The following CNTNAP3 variants were observed in gnomAD, a reference collection of about 807,000 sequenced individuals.
CNTNAP3 encodes contactin associated protein family member 3.
CNTNAP3 carries 36 observed loss-of-function variants against 92.1 expected under a neutral mutation model. The ratio of observed to expected loss-of-function variants is 0.39; its 90% CI spans 0.30 to 0.52. The LOEUF (loss-of-function observed/expected upper bound fraction) is 0.52, where lower values mean the gene tolerates loss of function less well. Among genes scored for constraint, CNTNAP3 ranks in the 20% least tolerant of loss-of-function variants. CNTNAP3 has a pLI of 0.76. For synonymous variants in CNTNAP3, 232 were observed against 422.3 expected (o/e 0.55, Z 5.53); for missense variants, 534 against 1,069.6 (o/e 0.50, Z 6.98).
intron 15 of CNTNAP3, 85 bp from the exon 16 acceptor site, chr9:39,103,999 C>T: frequency 2.7e-6 from 4 of 1,501,178 alleles, no homozygotes; most frequent in Non-Finnish European, 3.6e-6. Flanking sequence ...AGGATTATGA[C>T]TGCTAAATAC....
chr9:39,082,616 A>G (rs566296013), intron 21 of CNTNAP3, among the ~76,000 whole-genome samples: 1 of 152,424 alleles, frequency 6.6e-6, no homozygotes, highest in African/African-American at 2.4e-5. Flanking sequence ...TGCTGACAGC[A>G]CTTTACTCAG....
intron 18 of CNTNAP3, among the ~76,000 whole-genome samples, chr9:39,092,922 A>G (rs1258703662): frequency 9.1e-5 from 13 of 143,090 alleles, no homozygotes; most frequent in African/African-American, 2.8e-4. Context: ...TGTAATTGTT[A>G]TATCTTTTTG....
At position 39,066,363 on chromosome 9, in the gene CNTNAP3, A is replaced by T. The variant is rs1194003512; in HGVS notation, c.*7527T>A. 6.6e-6 allele frequency among the ~76,000 whole-genome samples: 1 copy of T among 152,144 alleles called. No individual in the cohort carries two copies. Among genetic ancestry groups the T allele is most frequent in the African/African-American group, 2.4e-5 (1 of 41,438 alleles). ...CACTGCTATTATTTCTAAACAGCCA[A>T]TTATCTTTAAAAGATATTTAAGTAA... On this transcript the variant is annotated 3_prime_UTR_variant, in exon 24 of 24. Transcript: ENST00000297668.
Position 39,133,125 on chromosome 9 carries a change from C to T in CNTNAP3, c.1887G>A (p.Ala629=), listed in dbSNP as rs1821343282. The change falls in exon 13 of 24, where the codon GCG becomes GCA. Residue 629 remains alanine, a synonymous_variant. Coordinates refer to ENST00000297668, the MANE Select transcript of CNTNAP3 (RefSeq NM_033655.5). The part of the protein sequence containing the change: ...LVYCNMTADA[A]WTVVQHGGPD... Reference sequence around the variant, plus strand: ...GGCCACCGTGCTGCACCACCGTCCACGCGGCGTCTGCTGAGCAGAAACGGG... The same window carrying T: ...GGCCACCGTGCTGCACCACCGTCCATGCGGCGTCTGCTGAGCAGAAACGGG... 1.9e-6 allele frequency: 3 copies of T among 1,573,778 alleles called. No individual in the cohort carries two copies. Among genetic ancestry groups the T allele is most frequent in the Non-Finnish European group, 2.6e-6 (3 of 1,165,256 alleles).
Position 39,118,165 on chromosome 9 carries a change from T to C in CNTNAP3, c.2175A>G (p.Gly725=). ...SLPDAQKCTC[G]LEGNCIDSQY... is the part of the protein sequence containing the mutation. ...GAGAATCAATGCAGTTCCCCTCTAA[T>C]CCACAAGTACACTTTTGAGCATCAG... Residue 725 remains glycine, a synonymous_variant, in exon 14 of 24, where the codon GGA becomes GGG. Coordinates refer to ENST00000297668, the MANE Select transcript of CNTNAP3 (RefSeq NM_033655.5). 3.1e-6 allele frequency: 5 copies of C among 1,611,434 alleles called. No individual in the cohort carries two copies. Among genetic ancestry groups the C allele is most frequent in the Non-Finnish European group, 4.2e-6 (5 of 1,179,474 alleles).
chr9:39,113,471 C>G (rs1425581646), intron 14 of CNTNAP3, among the ~76,000 whole-genome samples: 1 of 151,488 alleles, frequency 6.6e-6, no homozygotes, highest in South Asian at 2.1e-4. Flanking sequence ...ACTGACTGAC[C>G]ATAAATTCAG....
Position 39,218,471 on chromosome 9 carries a change from G to A in CNTNAP3, c.390+20522C>T, listed in dbSNP as rs4961930. 0.036 allele frequency among the ~76,000 whole-genome samples: 299 copies of A among 8,290 alleles called. 63 individuals carry two copies. In the East Asian group the frequency reaches 1, roughly 28 times the overall value. 5.4% of individuals were successfully genotyped at this position (8,290 alleles called of 152,430 possible). ...ATTTGAGACGGAGTCTTGCTCTGTC[G>A]CCCAGGCTGGAGTGCAGTGACGCAA... is the stretch of plus-strand genomic sequence containing the variant. On this transcript the variant is annotated intron_variant, in intron 3 of 23. Coordinates refer to ENST00000297668, the MANE Select transcript of CNTNAP3 (RefSeq NM_033655.5).
intron 9 of CNTNAP3, among the ~76,000 whole-genome samples, chr9:39,161,823 T>A (rs1587739638): frequency 1.1e-5 from 1 of 94,002 alleles, no homozygotes; most frequent in Non-Finnish European, 1.9e-5. Flanking sequence ...GGGCAACAGG[T>A]GAGACTGACT....
chr9:39,097,599 C>T (rs1826356800), intron 18 of CNTNAP3, among the ~76,000 whole-genome samples: 1 of 151,820 alleles, frequency 6.6e-6, no homozygotes, highest in Non-Finnish European at 1.5e-5. Flanking sequence ...GACAGAGCTT[C>T]TGTCCTACAA....
At chr9:39,096,319 G>A (rs1826324651) in intron 18 of CNTNAP3, among the ~76,000 whole-genome samples, 1 of 145,668 alleles carries the variant, frequency 6.9e-6, no homozygotes, top group Non-Finnish European at 1.5e-5. Flanking sequence ...TCAACCTGAA[G>A]GAACGTTCTT....
intron 21 of CNTNAP3, among the ~76,000 whole-genome samples, chr9:39,081,296 T>C (rs1177285101): frequency 1.3e-5 from 2 of 152,000 alleles, no homozygotes; most frequent in Admixed American, 1.3e-4. Flanking sequence ...TTCCTGTCTA[T>C]TACCTTGACA....
intron 17 of CNTNAP3, among the ~76,000 whole-genome samples, 195 bp downstream of exon 17, chr9:39,102,302 C>T (rs897507282): frequency 2.0e-5 from 3 of 152,258 alleles, no homozygotes; most frequent in African/African-American, 4.8e-5. Flanking sequence ...AAAACAAAAA[C>T]AAACAAACAA....
chr9:39,141,075 A>G (rs990100485), intron 11 of CNTNAP3, among the ~76,000 whole-genome samples: 8 of 152,352 alleles, frequency 5.3e-5, no homozygotes, highest in African/African-American at 1.9e-4. Flanking sequence ...GCAAGAAAGC[A>G]TGCAAACTCT....
intron 18 of CNTNAP3, among the ~76,000 whole-genome samples, chr9:39,092,389 T>A (rs1826225991): frequency 7.3e-6 from 1 of 137,504 alleles, no homozygotes; most frequent in South Asian, 2.4e-4. Flanking sequence ...TTTACAGCTT[T>A]AAAATTCCCT....
At chr9:39,144,147 A>G (rs1563891376) in intron 11 of CNTNAP3, 93 bp downstream of exon 11, 1 of 1,403,804 alleles carries the variant, frequency 7.1e-7, no homozygotes, top group Non-Finnish European at 9.5e-7. Flanking sequence ...ATGTGTTTGC[A>G]TGATTGCAAA....
intron 18 of CNTNAP3, among the ~76,000 whole-genome samples, chr9:39,091,207 C>T (rs1826192177): frequency 6.9e-6 from 1 of 145,790 alleles, no homozygotes; most frequent in South Asian, 2.1e-4. Flanking sequence ...CCTAATCAGT[C>T]TGGCCTGAAC....
intron 18 of CNTNAP3, among the ~76,000 whole-genome samples, chr9:39,094,322 T>C (rs180997198): frequency 2.0e-5 from 3 of 151,726 alleles, no homozygotes; most frequent in East Asian, 3.9e-4. Flanking sequence ...CTTTTTACTC[T>C]CTTGATAGTG....
chr9:39,147,642 A>G (rs1286427197), intron 10 of CNTNAP3, among the ~76,000 whole-genome samples: 2 of 152,226 alleles, frequency 1.3e-5, no homozygotes, highest in Admixed American at 6.5e-5. Flanking sequence ...TGTGGCTCAC[A>G]CATACATGCT....
chr9:39,096,778 TATG>T (rs748314417), intron 18 of CNTNAP3, among the ~76,000 whole-genome samples: 42 of 151,878 alleles, frequency 2.8e-4, no homozygotes, highest in Non-Finnish European at 5.3e-4. Context: ...TCCTTGTATA[TATG>T]ATTTTTCTCT....
Sources: gnomAD v4.1 joint callset for allele counts (sites outside exome capture counted in the v4.1 genomes callset) on GRCh38, gnomAD v4.1.1 for gene constraint, MANE v1.5 for transcripts, NCBI Gene and HGNC (gene_info 2026-07-23, HGNC 2026-07-21) for gene names.